SH3YL1: variants seen among roughly 807,000 people sequenced by gnomAD.
SH3YL1 encodes the protein SH3 and SYLF domain containing 1.
Under a neutral mutation model 45.8 loss-of-function variants are expected in SH3YL1, and 41 were observed. That is an observed-to-expected ratio of 0.89 (90% CI 0.70 to 1.16). The LOEUF is 1.16. Among genes scored for constraint, SH3YL1 ranks in the 50% most tolerant of loss-of-function variants. The probability of loss-of-function intolerance (pLI) is 0.00; values close to 1 mark genes in which losing one functional copy is unlikely to be tolerated. For synonymous variants in SH3YL1, 152 were observed against 151.4 expected (o/e 1.00, Z -0.03); for missense variants, 389 against 409.6 (o/e 0.95, Z 0.43).
At chr2:221,921 T>A (rs1451398203) in intron 9 of SH3YL1, among the ~76,000 whole-genome samples, 1 of 152,146 alleles carries the variant, frequency 6.6e-6, no homozygotes, top group Non-Finnish European at 1.5e-5. Flanking sequence ...AAGTTCCTCT[T>A]TAATGTAAAT....
rs536914138 is a variant in SH3YL1 at position 261,524 on chromosome 2, A to T, written c.1+2460T>A. Among the ~76,000 whole-genome samples, 205 of 151,830 alleles carry T rather than the reference A, an allele frequency of 1.4e-3. 1 individual carries two copies. The highest frequency in any genetic ancestry group is 4.8e-3 in the African/African-American group (199 of 41,420). On this transcript the variant is annotated intron_variant, in intron 1 of 9. Coordinates refer to ENST00000356150, the MANE Select transcript of SH3YL1 (RefSeq NM_015677.4). ...TTTCATAGTAACACATTTTTTTTTTAAATTAGAAGGTCTTATAAAATACCG... is the reference window on the plus strand; with the variant it reads ...TTTCATAGTAACACATTTTTTTTTTTAATTAGAAGGTCTTATAAAATACCG...
chr2:248,875 G>A (rs1668950488), intron 3 of SH3YL1, among the ~76,000 whole-genome samples: 1 of 152,214 alleles, frequency 6.6e-6, no homozygotes, highest in African/African-American at 2.4e-5. Flanking sequence ...TATGAAAACT[G>A]ATCCACATAA....
At chr2:242,426 A>G (rs62114505) in intron 4 of SH3YL1, among the ~76,000 whole-genome samples, 43,660 of 151,862 alleles carry the variant, frequency 0.29, 6,701 homozygotes, top group Non-Finnish European at 0.35. Context: ...ATGTTTTTGT[A>G]TCTTATTAAA....
intron 2 of SH3YL1, among the ~76,000 whole-genome samples, chr2:251,982 C>T (rs1467791771): frequency 6.6e-6 from 1 of 152,184 alleles, no homozygotes; most frequent in East Asian, 1.9e-4. Flanking sequence ...TCCAGGCTAA[C>T]TGGCATGAGA....
intron 1 of SH3YL1, among the ~76,000 whole-genome samples, chr2:255,191 C>T (rs998358109): frequency 1.3e-5 from 2 of 152,116 alleles, no homozygotes; most frequent in African/African-American, 2.4e-5. Context: ...TTTATTCTTT[C>T]GACAGATCAA....
rs546105700 is a variant in SH3YL1 at position 257,129 on chromosome 2, A to G, written c.2-4014T>C. Among the ~76,000 whole-genome samples, 14 of 152,140 alleles carry G rather than the reference A, an allele frequency of 9.2e-5. 1 individual carries two copies. The South Asian group carries it at 1.2e-3, about 14-fold the overall frequency. ...TGTTTAAATTTCTTATAGATTCTGA[A>G]TATTAGGCCTTTGTTGGATGTAGAG... On this transcript the variant is annotated intron_variant, in intron 1 of 9. Transcript: ENST00000356150.
At chr2:223,421 C>T (rs1345527523) in intron 9 of SH3YL1, among the ~76,000 whole-genome samples, 2 of 152,114 alleles carry the variant, frequency 1.3e-5, no homozygotes, top group Admixed American at 6.5e-5. Flanking sequence ...CCCTCCCTTC[C>T]CAAGCAAGTG....
chr2:257,479 T>C (rs1411196483), intron 1 of SH3YL1, among the ~76,000 whole-genome samples: 7 of 152,354 alleles, frequency 4.6e-5, no homozygotes, highest in Non-Finnish European at 7.4e-5. Flanking sequence ...GATTGAGAAC[T>C]TAACTTAGGA....
chr2:264,345 A>C (rs907466033), upstream of SH3YL1: 1 of 263,744 alleles, frequency 3.8e-6, no homozygotes. Flanking sequence ...TCCCCGCGTG[A>C]CCCGCCCAGC....
intron 8 of SH3YL1, among the ~76,000 whole-genome samples, chr2:225,322 T>C (rs1667748653): frequency 6.6e-6 from 1 of 152,260 alleles, no homozygotes; most frequent in Non-Finnish European, 1.5e-5. Flanking sequence ...TCTGACGCTC[T>C]GGGGTGATGT....
Position 249,833 on chromosome 2 carries a change from CA to C in SH3YL1, c.123del (p.Ile41MetfsTer12), listed in dbSNP as rs1477734113. The part of the protein sequence containing the change: ...GPDKIIPAHV[I>X]AKAKGLAILS... The stretch of plus-strand genomic sequence containing the variant: ...AGAATTGCAAGGCCTTTAGCCTTCG[CA>C]ATTACGTGAGCTGTTAACGTGGAAA... On this transcript the variant is annotated frameshift_variant, in exon 3 of 10. Coordinates refer to ENST00000356150, the MANE Select transcript of SH3YL1 (RefSeq NM_015677.4). LOFTEE classifies it high-confidence loss of function. 2.6e-6 allele frequency: 4 copies of C among 1,551,420 alleles called. No individual in the cohort carries two copies. The highest frequency in any genetic ancestry group is 3.5e-6 in the Non-Finnish European group (4 of 1,146,436).
intron 4 of SH3YL1, among the ~76,000 whole-genome samples, chr2:234,711 A>G (rs1668207910): frequency 6.6e-6 from 1 of 152,112 alleles, no homozygotes; most frequent in Non-Finnish European, 1.5e-5. Flanking sequence ...ACCAGGGACG[A>G]TGGTGCTGAA....
chr2:247,720 A>T, intron 3 of SH3YL1, 118 bp from the exon 4 acceptor site: 1 of 687,788 alleles, frequency 1.5e-6, no homozygotes, highest in Non-Finnish European at 2.4e-6. Flanking sequence ...GAGACTTGGT[A>T]TTTCCCCTGA....
chr2:248,984 T>C (rs945245538), intron 3 of SH3YL1, among the ~76,000 whole-genome samples: 2 of 152,196 alleles, frequency 1.3e-5, no homozygotes, highest in African/African-American at 4.8e-5. Context: ...AATGTATATA[T>C]TGTATATTTA....
At chr2:250,036 G>C (rs1033792635) in intron 2 of SH3YL1, among the ~76,000 whole-genome samples, 192 bp from the exon 3 acceptor site, 2 of 152,144 alleles carry the variant, frequency 1.3e-5, no homozygotes, top group Non-Finnish European at 2.9e-5. Context: ...TGTTTTTTGT[G>C]TTTGCTATTT....
At chr2:254,775 A>T (rs1265658295) in intron 1 of SH3YL1, among the ~76,000 whole-genome samples, 2 of 152,164 alleles carry the variant, frequency 1.3e-5, no homozygotes, top group Non-Finnish European at 2.9e-5. Context: ...CAACAGATGG[A>T]ACTCAGACTC....
chr2:247,953 T>C (rs1209991160), intron 3 of SH3YL1, among the ~76,000 whole-genome samples: 1 of 152,194 alleles, frequency 6.6e-6, no homozygotes, highest in African/African-American at 2.4e-5. Flanking sequence ...AACTTAGCTG[T>C]AGGTCTAGTC....
rs548556819 is a variant in SH3YL1 at position 227,347 on chromosome 2, A to G, written c.782-2427T>C. 1.1e-4 allele frequency among the ~76,000 whole-genome samples: 16 copies of G among 152,324 alleles called. No individual in the cohort carries two copies. The South Asian group carries it at 3.3e-3, about 32-fold the overall frequency. The stretch of plus-strand genomic sequence containing the variant: ...TCAAAAAAAATAAAAGTGCCAGTAT[A>G]TATAAATATTAATTTAGAAGTATAT... On this transcript the variant is annotated intron_variant, in intron 8 of 9. Transcript: ENST00000356150.
At chr2:256,006 A>G (rs984349711) in intron 1 of SH3YL1, 6 of 152,236 alleles carry the variant, frequency 3.9e-5, no homozygotes, top group African/African-American at 1.4e-4. Flanking sequence ...TGTTACAGGT[A>G]TAGCTCAGTG....
Sources: gnomAD v4.1 joint callset for allele counts (sites outside exome capture counted in the v4.1 genomes callset) on GRCh38, gnomAD v4.1.1 for gene constraint, MANE v1.5 for transcripts, NCBI Gene and HGNC (gene_info 2026-07-23, HGNC 2026-07-21) for gene names.